Variants in RSPH4A observed in about 807,000 individuals in gnomAD.
RSPH4A encodes radial spoke head protein 4 homolog A.
In RSPH4A, 47 loss-of-function variants were observed where a neutral mutation model predicts 71.0. The observed-to-expected ratio is 0.66, with a 90% CI of 0.52 to 0.84. RSPH4A has a LOEUF of 0.84. Among genes scored for constraint, RSPH4A ranks in the 40% least tolerant of loss-of-function variants. The pLI, the probability that RSPH4A is intolerant of heterozygous loss-of-function variation, is 0.00. For missense variants in RSPH4A, 793 were observed against 855.2 expected (o/e 0.93, Z 0.91); for synonymous variants, 282 against 302.3 (o/e 0.93, Z 0.70).
chr6:116,629,639 G>T lies in RSPH4A; in HGVS notation c.1735G>T (p.Asp579Tyr). ...AGAGGAAGAAGATGAAGAAAAAGAC[G>T]ATTCTGACTACATAGAACAGGAAGT... Reference protein sequence around the residue: ...EEEEEDEEKDDSDYIEQEVGL... With the variant: ...EEEEEDEEKDYSDYIEQEVGL... The change falls in exon 4 of 6, where the codon GAT becomes TAT. Residue 579 changes from aspartate to tyrosine, a missense_variant. Physicochemically the swap from Asp to Tyr is radical, Grantham distance 160. Coordinates refer to ENST00000229554, the MANE Select transcript of RSPH4A (RefSeq NM_001010892.3). 1.2e-6 allele frequency: 2 copies of T among 1,613,246 alleles called. No individual in the cohort carries two copies. Among genetic ancestry groups the T allele is most frequent in the Non-Finnish European group, 1.7e-6 (2 of 1,179,264 alleles).
At chr6:116,629,777 TGA>T in intron 4 of RSPH4A, 75 bp downstream of exon 4, 5 of 1,384,168 alleles carry the variant, frequency 3.6e-6, no homozygotes, top group South Asian at 2.4e-5. Context: ...ATAGTAAATA[TGA>T]GAGTCGGAAA....
intron 1 of RSPH4A, among the ~76,000 whole-genome samples, chr6:116,619,279 T>G (rs1775561863): frequency 6.6e-6 from 1 of 152,208 alleles, no homozygotes. Flanking sequence ...GGCCTCTCTG[T>G]GGAGCATTCT....
chr6:116,632,897 CA>C lies in RSPH4A; in HGVS notation c.*462del. On this transcript the variant is annotated 3_prime_UTR_variant, in exon 6 of 6. Coordinates refer to ENST00000229554, the MANE Select transcript of RSPH4A (RefSeq NM_001010892.3). ...TAAAGAGTGTCAAGGGGTATGAAGA[CA>C]AAAAATATTGATAGTCACTAGAGTA... is the stretch of plus-strand genomic sequence containing the variant. 1 of 186,660 alleles carries C rather than the reference CA, an allele frequency of 5.4e-6. No homozygotes were observed. Among genetic ancestry groups the C allele is most frequent in the Non-Finnish European group, 1.1e-5 (1 of 88,290 alleles). The allele number at this position is 186,660 out of a possible 1,614,324, so 11.6% of individuals were successfully genotyped here. A position where few individuals can be genotyped will look rare whatever the true frequency, so the allele number is the denominator to read the frequency against.
At chr6:116,626,937 T>A (rs181864860) in intron 2 of RSPH4A, among the ~76,000 whole-genome samples, 13 of 152,250 alleles carry the variant, frequency 8.5e-5, no homozygotes, top group African/African-American at 3.1e-4. Context: ...TATAGACATA[T>A]GGAAAACCAT....
At chr6:116,623,913 G>T (rs920371891) in intron 2 of RSPH4A, among the ~76,000 whole-genome samples, 1 of 152,088 alleles carries the variant, frequency 6.6e-6, no homozygotes, top group Non-Finnish European at 1.5e-5. Context: ...ATTGAAAAAA[G>T]CTATAATTAG....
At chr6:116,626,824 T>TTAAATA (rs1343862287) in intron 2 of RSPH4A, among the ~76,000 whole-genome samples, 1 of 152,214 alleles carries the variant, frequency 6.6e-6, no homozygotes, top group Non-Finnish European at 1.5e-5. Context: ...CATGTTCATT[T>TTAAATA]TATTTATTCC....
Position 116,632,754 on chromosome 6 carries a change from G to A in RSPH4A, c.*313G>A. 1.4e-5 allele frequency: 4 copies of A among 279,022 alleles called. No individual in the cohort carries two copies. Among genetic ancestry groups the A allele is most frequent in the Non-Finnish European group, 2.8e-5 (4 of 144,810 alleles). The allele number at this position is 279,022 out of a possible 1,614,324, so 17.3% of individuals were successfully genotyped here. On this transcript the variant is annotated 3_prime_UTR_variant, in exon 6 of 6. Transcript: ENST00000229554. Reference sequence around the variant, plus strand: ...TTTAAAAGGGCTCAGGTTTCACATGGTCCAGGTGAGGTAAAACAATTAAAA... The same window carrying A: ...TTTAAAAGGGCTCAGGTTTCACATGATCCAGGTGAGGTAAAACAATTAAAA...
Position 116,617,232 on chromosome 6 carries a change from C to G in RSPH4A, c.609C>G (p.Ala203=). Residue 203 remains alanine (A), a synonymous_variant, in exon 1 of 6, where the codon GCC becomes GCG. Transcript: ENST00000229554. ...QQPAPGGSEV[A]PSMLEITIQN... Reference sequence around the variant, plus strand: ...CGGCGCCTGGGGGCTCTGAAGTGGCCCCCAGCATGCTTGAGATCACCATTC... The same window carrying G: ...CGGCGCCTGGGGGCTCTGAAGTGGCGCCCAGCATGCTTGAGATCACCATTC... 1 of 1,614,078 alleles carries G rather than the reference C, an allele frequency of 6.2e-7. No individual in the cohort carries two copies. Among genetic ancestry groups the G allele is most frequent in the Non-Finnish European group, 8.5e-7 (1 of 1,179,976 alleles).
At chr6:116,620,163 T>C (rs1775578620) in intron 1 of RSPH4A, among the ~76,000 whole-genome samples, 1 of 152,242 alleles carries the variant, frequency 6.6e-6, no homozygotes, top group African/African-American at 2.4e-5. Context: ...TACAAACTGC[T>C]AAAATTGCAA....
chr6:116,628,344 A>T lies in RSPH4A; in HGVS notation c.1637A>T (p.His546Leu). Reference protein sequence around the residue: ...DLVESLSNWVHHVQHILSQGR... With the variant: ...DLVESLSNWVLHVQHILSQGR... ...GTAGAATCCCTATCCAATTGGGTTCATCATGTACAGCATATTCTCTCTCAG... is the reference window on the plus strand; with the variant it reads ...GTAGAATCCCTATCCAATTGGGTTCTTCATGTACAGCATATTCTCTCTCAG... The change falls in exon 3 of 6, where the codon CAT becomes CTT. Residue 546 changes from histidine to leucine, a missense_variant. Transcript: ENST00000229554. 2.5e-6 allele frequency: 4 copies of T among 1,613,100 alleles called. No individual in the cohort carries two copies. The highest frequency in any genetic ancestry group is 3.4e-6 in the Non-Finnish European group (4 of 1,179,680).
intron 2 of RSPH4A, among the ~76,000 whole-genome samples, chr6:116,625,025 T>C (rs1352162711): frequency 2.6e-5 from 4 of 151,968 alleles, no homozygotes; most frequent in Non-Finnish European, 4.4e-5. Context: ...TGTGTGATTT[T>C]GAGCAAGAGG....
In RSPH4A at chr6:116,627,841, TGAAGAG is replaced by T. The variant is rs1562391638; in HGVS notation, c.1139_1144del (p.Glu380_Glu381del). ...AAGTGGAATTTCGTGAGGGGGAAGA[TGAAGAG>T]GAAGTGGAAGAGGAAGATGTAGCTG... On this transcript the variant is annotated inframe_deletion, in exon 3 of 6. Coordinates refer to ENST00000229554, the MANE Select transcript of RSPH4A (RefSeq NM_001010892.3). 1.9e-6 allele frequency: 3 copies of T among 1,613,802 alleles called. No individual in the cohort carries two copies. The highest frequency in any genetic ancestry group is 1.3e-5 in the African/African-American group (1 of 74,914).
rs148464933 is a variant in RSPH4A at position 116,623,423 on chromosome 6, T to A, written c.921+421T>A. ...TACATAGTATTTACATCTTATTTTT[T>A]AAAAATTCTTCAAGTCCTCTTTAGT... On this transcript the variant is annotated intron_variant, in intron 2 of 5. Coordinates refer to ENST00000229554, the MANE Select transcript of RSPH4A (RefSeq NM_001010892.3). 1.3e-4 allele frequency among the ~76,000 whole-genome samples: 20 copies of A among 152,300 alleles called. No individual in the cohort carries two copies. The East Asian group carries it at 1.7e-3, about 13-fold the overall frequency.
chr6:116,630,886 T>C (rs1434353781), intron 5 of RSPH4A, among the ~76,000 whole-genome samples: 6 of 140,020 alleles, frequency 4.3e-5, no homozygotes, highest in Admixed American at 2.9e-4. Context: ...AGACAAGGTT[T>C]CACCATGTTG....
chr6:116,631,634 G>A (rs1353036914), intron 5 of RSPH4A, among the ~76,000 whole-genome samples: 1 of 152,168 alleles, frequency 6.6e-6, no homozygotes, highest in African/African-American at 2.4e-5. Context: ...ACCTAGGAAC[G>A]GAAGCACCTG....
At chr6:116,618,308 AT>A (rs1380914885) in intron 1 of RSPH4A, among the ~76,000 whole-genome samples, 1 of 152,160 alleles carries the variant, frequency 6.6e-6, no homozygotes. Flanking sequence ...GTCATTTATA[AT>A]TTTTTATACA....
intron 4 of RSPH4A, among the ~76,000 whole-genome samples, chr6:116,629,940 G>A (rs572884199): frequency 2.0e-5 from 3 of 152,282 alleles, no homozygotes; most frequent in Non-Finnish European, 2.9e-5. Flanking sequence ...TGGCTGTAGC[G>A]CTTTCTGGAA....
intron 2 of RSPH4A, among the ~76,000 whole-genome samples, chr6:116,624,004 CAT>C: frequency 6.6e-6 from 1 of 152,138 alleles, no homozygotes; most frequent in East Asian, 1.9e-4. Context: ...CCTAAATACT[CAT>C]ATACTTGTAA....
chr6:116,622,827 T>C lies in RSPH4A; in HGVS notation c.746T>C (p.Val249Ala). 6.2e-7 allele frequency: 1 copy of C among 1,613,514 alleles called. No individual in the cohort carries two copies. The highest frequency in any genetic ancestry group is 8.5e-7 in the Non-Finnish European group (1 of 1,179,504). ...TTAAATGAGCGTCCTGAAAATGCTG[T>C]TGACATCTTTGAAAATATTAGCCAA... ...KILNERPENA[V>A]DIFENISQDV... The change falls in exon 2 of 6, where the codon GTT becomes GCT. Residue 249 changes from valine (V) to alanine (A), a missense_variant. By Grantham distance (64) the Val-to-Ala change is moderately conservative. Transcript: ENST00000229554.
Sources: allele counts gnomAD v4.1 joint callset (sites outside exome capture counted in the v4.1 genomes callset), GRCh38; gene constraint gnomAD v4.1.1; transcripts MANE v1.5; gene names NCBI Gene and HGNC (gene_info 2026-07-23, HGNC 2026-07-21).